ANK3: variants seen among roughly 807,000 people sequenced by gnomAD.
The protein encoded by ANK3 is ankyrin-3.
Under a neutral mutation model 370.9 loss-of-function variants are expected in ANK3, and 57 were observed. That is an observed-to-expected ratio of 0.15 (90% CI 0.12 to 0.19). The LOEUF is 0.19. Among genes scored for constraint, ANK3 ranks in the 10% least tolerant of loss-of-function variants. The pLI is 1.00. For missense variants in ANK3, 4,439 were observed against 5,302.1 expected (o/e 0.84, Z 5.06); for synonymous variants, 1,929 against 1,946.3 (o/e 0.99, Z 0.23).
chr10:60,212,195 T>C (rs968371021), intron 9 of ANK3, among the ~76,000 whole-genome samples: 1 of 152,162 alleles, frequency 6.6e-6, no homozygotes, highest in Non-Finnish European at 1.5e-5. Flanking sequence ...TTAACATTGG[T>C]CCTTACTGCT....
intron 1 of ANK3, among the ~76,000 whole-genome samples, chr10:60,360,731 C>A (rs1180390596): frequency 6.6e-6 from 1 of 151,936 alleles, no homozygotes; most frequent in Non-Finnish European, 1.5e-5. Flanking sequence ...ACTCTCTTTT[C>A]CTTCTAGTGA....
In ANK3 at chr10:60,198,352, A is replaced by C; in HGVS notation, c.1677T>G (p.Ser559=). 2 of 1,614,236 alleles carry C rather than the reference A, an allele frequency of 1.2e-6. No homozygotes were observed. The change falls in exon 14 of 44, where the codon TCT becomes TCG. Residue 559 remains serine, a synonymous_variant. Coordinates refer to ENST00000280772, the MANE Select transcript of ANK3 (RefSeq NM_020987.5). ...TTTGCTTTCATACCTTTGTTGTTAT[A>C]GATAAAGACGCTCCATGATCCAAAA... ...AFLLDHGASL[S]ITTKKGFTPL...
intron 1 of ANK3, among the ~76,000 whole-genome samples, chr10:60,667,541 C>T (rs187031047): frequency 6.6e-6 from 1 of 151,944 alleles, no homozygotes; most frequent in Admixed American, 6.5e-5. Flanking sequence ...AAAGAGACAT[C>T]AAAGTCATCG....
chr10:60,097,120 T>C (rs2132055529), intron 28 of ANK3, among the ~76,000 whole-genome samples: 1 of 152,362 alleles, frequency 6.6e-6, no homozygotes, highest in South Asian at 2.1e-4. Context: ...CAATTATCAT[T>C]TGGCCCACAC....
intron 8 of ANK3, 50 bp from the exon 9 acceptor site, chr10:60,213,560 G>C (rs1286166781): frequency 8.4e-6 from 11 of 1,306,424 alleles, no homozygotes; most frequent in Non-Finnish European, 1.2e-5. Flanking sequence ...TAAATTCTAT[G>C]AGTGCAGTGT....
In ANK3 at chr10:60,490,545, A is replaced by C. The variant is rs532409938; in HGVS notation, c.96+124641T>G. Among the ~76,000 whole-genome samples, 5 of 152,222 alleles carry C rather than the reference A, an allele frequency of 3.3e-5. No homozygotes were observed. The South Asian group carries it at 8.3e-4, about 25-fold the overall frequency. On this transcript the variant is annotated intron_variant, in intron 2 of 43. Transcript: ENST00000373827. ...CAGCCATTATCATTTACAGCTACAC[A>C]TCCTGTCTTTATCCATGACTGTTCT...
chr10:60,668,565 G>A (rs2079027516), intron 1 of ANK3, among the ~76,000 whole-genome samples: 1 of 152,192 alleles, frequency 6.6e-6, no homozygotes, highest in South Asian at 2.1e-4. Context: ...ACTCATTCCT[G>A]CTGGATAGAA....
intron 42 of ANK3, 33 bp downstream of exon 42, chr10:60,055,625 C>A (rs771907355): frequency 6.4e-7 from 1 of 1,552,530 alleles, no homozygotes; most frequent in South Asian, 1.2e-5. Context: ...CTTTCCATTT[C>A]AATGACTGCT....
chr10:60,599,861 C>T (rs1057506400), intron 2 of ANK3, among the ~76,000 whole-genome samples: 2 of 152,142 alleles, frequency 1.3e-5, no homozygotes, highest in African/African-American at 4.8e-5. Context: ...TCCTCTGTAA[C>T]CCTTTCTCTA....
At chr10:60,063,052 G>A in intron 40 of ANK3, 59 bp downstream of exon 40, 3 of 1,528,228 alleles carry the variant, frequency 2.0e-6, no homozygotes, top group Non-Finnish European at 2.7e-6. Context: ...TGCCTTGTCT[G>A]ACTGCACTTT....
At chr10:60,081,479 T>A (rs1389392029) in intron 35 of ANK3, 1 of 435,294 alleles carries the variant, frequency 2.3e-6, no homozygotes, top group African/African-American at 2.1e-5. Context: ...AATTATCATA[T>A]AACTTAGAGA....
At chr10:60,097,058 C>T (rs2090285896) in intron 28 of ANK3, among the ~76,000 whole-genome samples, 2 of 152,206 alleles carry the variant, frequency 1.3e-5, no homozygotes, top group South Asian at 4.1e-4. Context: ...GCAGTTTTGG[C>T]CAGGAGGAAG....
chr10:60,399,624 C>A (rs1454893879), intron 2 of ANK3, among the ~76,000 whole-genome samples: 2 of 152,142 alleles, frequency 1.3e-5, no homozygotes, highest in African/African-American at 2.4e-5. Flanking sequence ...GAGCTGCAGG[C>A]AAGGAGCCGC....
In ANK3 at chr10:60,074,561, G is replaced by T. The variant is rs749819494; in HGVS notation, c.6320C>A (p.Thr2107Asn). ...KMADSFFGTD[T>N]ILESPDDFSQ... ...AAAGTCATCAGGAGACTCTAAAATA[G>T]TATCTGTTCCAAAAAAGGAATCAGC... is the stretch of plus-strand genomic sequence containing the variant. Residue 2107 changes from threonine to asparagine, a missense_variant, in exon 37 of 44, where the codon ACT becomes AAT. Thr to Asn is a moderately conservative substitution (Grantham distance 65). This residue lies in a region of ANK3 where 679 missense variants were observed against 791.0 expected (regional missense o/e 0.86). Transcript: ENST00000280772. 2 of 1,614,048 alleles carry T rather than the reference G, an allele frequency of 1.2e-6. No homozygotes were observed. The highest frequency in any genetic ancestry group is 1.1e-5 in the South Asian group (1 of 91,060).
intron 1 of ANK3, among the ~76,000 whole-genome samples, chr10:60,313,534 G>A (rs1326424542): frequency 6.6e-6 from 1 of 151,890 alleles, no homozygotes; most frequent in Non-Finnish European, 1.5e-5. Context: ...TGTCCTCCAG[G>A]GCCACTCATT....
In ANK3 at chr10:60,582,634, C is replaced by T. The variant is rs534473044; in HGVS notation, c.96+32552G>A. Among the ~76,000 whole-genome samples, 46 of 149,762 alleles carry T rather than the reference C, an allele frequency of 3.1e-4. 3 individuals carry two copies. The South Asian group carries it at 5.7e-3, about 18-fold the overall frequency. ...CACAGCCTTTTCTCATGTTGGCTTC[C>T]GATTCCTAAAATATATTATTTTTAT... On this transcript the variant is annotated intron_variant, in intron 2 of 43. Transcript: ENST00000373827.
intron 2 of ANK3, among the ~76,000 whole-genome samples, chr10:60,421,596 G>A (rs538668656): frequency 9.9e-5 from 15 of 152,074 alleles, no homozygotes; most frequent in African/African-American, 3.6e-4. Flanking sequence ...GTAGATAGTG[G>A]CATGGTCTTG....
At position 60,075,231 on chromosome 10, in the gene ANK3, G is replaced by T. The variant is rs533377631; in HGVS notation, c.5650C>A (p.Pro1884Thr). 9.9e-6 allele frequency: 16 copies of T among 1,614,132 alleles called. No homozygotes were observed. Among genetic ancestry groups the T allele is most frequent in the South Asian group, 3.3e-5 (3 of 91,074 alleles). ...GGTGTAGACAACTTAAGGGCAGAGG[G>T]TGCAAGGAACAAAGATGACTTAACT... is the stretch of plus-strand genomic sequence containing the variant. The part of the protein sequence containing the change: ...SPVKSSLFLA[P>T]SALKLSTPSS... Residue 1884 changes from proline (P) to threonine (T), a missense_variant, in exon 37 of 44, where the codon CCC (proline) becomes ACC (threonine). Physicochemically the swap from Pro to Thr is conservative, Grantham distance 38. Around this residue, in one of 13 missense-constraint regions of ANK3, gnomAD observed 679 missense variants for 791.0 expected, o/e 0.86. Coordinates refer to ENST00000280772, the MANE Select transcript of ANK3 (RefSeq NM_020987.5).
chr10:60,702,276 A>T (rs1355812441), intron 1 of ANK3, among the ~76,000 whole-genome samples: 1 of 152,072 alleles, frequency 6.6e-6, no homozygotes, highest in Non-Finnish European at 1.5e-5. Flanking sequence ...AAAAAAAAAA[A>T]AAAAATGTGG....
Sources: allele counts gnomAD v4.1 joint callset (sites outside exome capture counted in the v4.1 genomes callset), GRCh38; gene constraint gnomAD v4.1.1; regional missense constraint gnomAD v4.1.1; transcripts MANE v1.5; gene names NCBI Gene and HGNC (gene_info 2026-07-23, HGNC 2026-07-21).